ZNRF2: variants seen among roughly 807,000 people sequenced by gnomAD.
ZNRF2 encodes the protein zinc and ring finger 2.
Under a neutral mutation model 20.4 loss-of-function variants are expected in ZNRF2, and 16 were observed. The observed-to-expected ratio is 0.79, with a 90% CI of 0.53 to 1.19. The LOEUF is 1.19. ZNRF2 is among the 50% of genes most tolerant of loss of function. The pLI is 0.00. For synonymous variants in ZNRF2, 178 were observed against 144.9 expected (o/e 1.23, Z -1.64); for missense variants, 363 against 332.4 (o/e 1.09, Z -0.72).
rs962182958 is a variant in ZNRF2 at position 30,321,399 on chromosome 7, AT to A, written c.470-2233del. On this transcript the variant is annotated intron_variant, in intron 1 of 4. Coordinates refer to ENST00000323037, the MANE Select transcript of ZNRF2 (RefSeq NM_147128.4). ...CTCCGTGCCGTTGATGCTTTCATCT[AT>A]TTTTTTTTTCTCATTTGCTGCCGAC... Among the ~76,000 whole-genome samples the A allele has an allele frequency of 3.1e-4, 45 of 147,162 alleles. No individual in the cohort carries two copies. In the East Asian group the frequency reaches 5.8e-3, roughly 19 times the overall value.
chr7:30,312,602 T>C (rs1029349158), intron 1 of ZNRF2, among the ~76,000 whole-genome samples: 1 of 152,218 alleles, frequency 6.6e-6, no homozygotes, highest in Admixed American at 6.5e-5. Context: ...TATGTCACTC[T>C]GCGTTGACAT....
In ZNRF2 at chr7:30,285,655, C is replaced by T. The variant is rs912396825; in HGVS notation, c.298C>T (p.Pro100Ser). Reference protein sequence around the residue: ...VASGARAAQSPFSIPNSSSGP... With the variant: ...VASGARAAQSSFSIPNSSSGP... ...GTCGGGGGCCCGCGCGGCGCAGTCCCCCTTCAGCATCCCGAACAGCAGCAG... is the reference window on the plus strand; with the variant it reads ...GTCGGGGGCCCGCGCGGCGCAGTCCTCCTTCAGCATCCCGAACAGCAGCAG... The change falls in exon 1 of 5, where the codon CCC becomes TCC. Residue 100 changes from proline (P) to serine (S), a missense_variant. Pro to Ser is a moderately conservative substitution (Grantham distance 74). Around this residue, in one of 2 missense-constraint regions of ZNRF2, gnomAD observed 302 missense variants for 231.5 expected, o/e 1.30. Transcript: ENST00000323037. The T allele has an allele frequency of 7.1e-7, 1 of 1,405,280 alleles. No individual in the cohort carries two copies. The allele number at this position is 1,405,280 out of a possible 1,614,324, so 87.1% of individuals were successfully genotyped here.
In ZNRF2 at chr7:30,348,174, T is replaced by TAAAA. The variant is rs551400861; in HGVS notation, c.566-7537_566-7534dup. On this transcript the variant is annotated intron_variant, in intron 2 of 4. Transcript: ENST00000323037. ...AAGAAGTCAATACACTTAAAAATGT[T>TAAAA]AAAAAAAAAAAAAAAAAAAAGATCT... is the stretch of plus-strand genomic sequence containing the variant. 6.6e-3 allele frequency among the ~76,000 whole-genome samples: 753 copies of TAAAA among 114,874 alleles called. 7 individuals are homozygous for TAAAA. Among genetic ancestry groups the TAAAA allele is most frequent in the African/African-American group, 0.02 (649 of 32,204 alleles). 75.4% of individuals were successfully genotyped at this position (114,874 alleles called of 152,430 possible).
chr7:30,315,742 T>TGGG (rs1799362861), intron 1 of ZNRF2, among the ~76,000 whole-genome samples: 9 of 32,654 alleles, frequency 2.8e-4, no homozygotes, highest in Middle Eastern at 0.026. Context: ...GGGGGGGGGT[T>TGGG]GGGTATAAAG....
chr7:30,321,460 A>G (rs1414057366), intron 1 of ZNRF2, among the ~76,000 whole-genome samples: 1 of 151,612 alleles, frequency 6.6e-6, no homozygotes, highest in East Asian at 1.9e-4. Flanking sequence ...TTTATTAAAT[A>G]TTATTTATTT....
intron 1 of ZNRF2, among the ~76,000 whole-genome samples, chr7:30,307,867 T>C (rs1478740658): frequency 3.9e-5 from 6 of 152,164 alleles, no homozygotes; most frequent in Non-Finnish European, 7.4e-5. Flanking sequence ...AAAGCCACTT[T>C]CATAAAATTT....
chr7:30,311,523 A>G (rs1799292300), intron 1 of ZNRF2, among the ~76,000 whole-genome samples: 1 of 152,216 alleles, frequency 6.6e-6, no homozygotes, highest in South Asian at 2.1e-4. Flanking sequence ...TGGTTTCCAT[A>G]GGTGAGCCCC....
At chr7:30,325,865 A>G (rs1486541248) in intron 2 of ZNRF2, among the ~76,000 whole-genome samples, 1 of 152,232 alleles carries the variant, frequency 6.6e-6, no homozygotes, top group African/African-American at 2.4e-5. Flanking sequence ...TATTTAAGAA[A>G]TAGAAAGTGT....
At chr7:30,331,085 C>T (rs1005824006) in intron 2 of ZNRF2, among the ~76,000 whole-genome samples, 1 of 152,152 alleles carries the variant, frequency 6.6e-6, no homozygotes, top group African/African-American at 2.4e-5. Flanking sequence ...CAAATCTCTT[C>T]TACTGCCTTA....
Sources: gnomAD v4.1 joint callset for allele counts (sites outside exome capture counted in the v4.1 genomes callset) on GRCh38, gnomAD v4.1.1 for gene constraint, gnomAD v4.1.1 regional missense constraint, MANE v1.5 for transcripts, NCBI Gene and HGNC (gene_info 2026-07-23, HGNC 2026-07-21) for gene names.